The following LPP variants were observed in gnomAD, a reference collection of about 807,000 sequenced individuals.
LPP encodes the protein LIM domain containing preferred translocation partner in lipoma, also known as lipoma-preferred partner.
A neutral mutation model predicts 60.4 loss-of-function variants in LPP; 38 were observed. The observed-to-expected ratio is 0.63, with a 90% CI of 0.49 to 0.83. LPP has a LOEUF of 0.83. LPP is among the 40% of genes least tolerant of loss of function. LPP has a pLI of 0.00. For synonymous variants in LPP, 328 were observed against 290.8 expected, an observed-to-expected ratio of 1.13 and a Z score of -1.30; for missense variants, 902 against 783.6, an observed-to-expected ratio of 1.15 and a Z score of -1.80.
intron 8 of LPP, among the ~76,000 whole-genome samples, chr3:188,730,440 G>C (rs905497902): frequency 6.6e-6 from 1 of 152,194 alleles, no homozygotes; most frequent in Non-Finnish European, 1.5e-5. Context: ...GTTATGAATT[G>C]AGTGAATTAT....
chr3:188,166,754 A>G (rs937308686), intron 1 of LPP, among the ~76,000 whole-genome samples: 1 of 152,192 alleles, frequency 6.6e-6, no homozygotes, highest in Non-Finnish European at 1.5e-5. Context: ...ATTCATATCC[A>G]CAGCATCTGC....
At chr3:188,656,179 C>T (rs911412054) in intron 7 of LPP, among the ~76,000 whole-genome samples, 7 of 133,348 alleles carry the variant, frequency 5.2e-5, no homozygotes, top group East Asian at 4.4e-4. Context: ...GCAACAATAG[C>T]GAAACTCAGT....
At chr3:188,537,980 G>A (rs1010897878) in intron 6 of LPP, among the ~76,000 whole-genome samples, 20 of 152,108 alleles carry the variant, frequency 1.3e-4, no homozygotes, top group South Asian at 1.2e-3. Context: ...GTGTTGTGAC[G>A]TTCAAACAGG....
At chr3:188,692,352 A>G (rs1211604541) in intron 7 of LPP, among the ~76,000 whole-genome samples, 2 of 152,264 alleles carry the variant, frequency 1.3e-5, no homozygotes, top group African/African-American at 4.8e-5. Flanking sequence ...AAAGAGGGAC[A>G]TAAAGGTTGG....
intron 2 of LPP, among the ~76,000 whole-genome samples, chr3:188,267,548 G>T (rs188643735): frequency 1.1e-4 from 17 of 152,292 alleles, no homozygotes; most frequent in African/African-American, 3.8e-4. Context: ...TCTAGCCAGG[G>T]CCGAGTTATC....
At chr3:188,635,039 T>C (rs550198799) in intron 7 of LPP, among the ~76,000 whole-genome samples, 1 of 152,194 alleles carries the variant, frequency 6.6e-6, no homozygotes, top group South Asian at 2.1e-4. Flanking sequence ...AACCACTCCA[T>C]CTCCCTAATG....
intron 8 of LPP, among the ~76,000 whole-genome samples, chr3:188,750,897 C>G (rs1468182331): frequency 1.3e-5 from 2 of 152,148 alleles, no homozygotes; most frequent in East Asian, 3.9e-4. Flanking sequence ...TTTGTTGGAT[C>G]TGATCTAACT....
chr3:188,733,323 T>G (rs1212256492), intron 8 of LPP, among the ~76,000 whole-genome samples: 1 of 144,166 alleles, frequency 6.9e-6, no homozygotes, highest in African/African-American at 2.5e-5. Context: ...GTGTGTACAT[T>G]TATATACCAT....
At chr3:188,797,828 G>T (rs1039506824) in intron 9 of LPP, among the ~76,000 whole-genome samples, 4 of 152,154 alleles carry the variant, frequency 2.6e-5, no homozygotes, top group Non-Finnish European at 5.9e-5. Context: ...TGAGAGAAGG[G>T]CCTATAACTT....
intron 1 of LPP, among the ~76,000 whole-genome samples, chr3:188,158,184 C>T (rs76964045): frequency 4.6e-5 from 7 of 151,820 alleles, no homozygotes; most frequent in Admixed American, 6.6e-5. Flanking sequence ...CCCTGGGCCG[C>T]GATTAGAGGA....
At chr3:188,441,609 C>CTTTTCTTTTCTTT (rs1793896698) in intron 4 of LPP, among the ~76,000 whole-genome samples, 1 of 55,652 alleles carries the variant, frequency 1.8e-5, no homozygotes, top group Non-Finnish European at 3.4e-5. Flanking sequence ...CTTTTCTTTT[C>CTTTTCTTTTCTTT]TTTTTTTTTT....
chr3:188,368,721 G>C (rs3916421), intron 3 of LPP, among the ~76,000 whole-genome samples: 28,711 of 73,104 alleles, frequency 0.39, 3,035 homozygotes, highest in Non-Finnish European at 0.53. Flanking sequence ...CACACACACA[G>C]AGAGAGAGAG....
At chr3:188,408,250 T>C (rs1371982528) in intron 4 of LPP, among the ~76,000 whole-genome samples, 1 of 152,134 alleles carries the variant, frequency 6.6e-6, no homozygotes, top group Non-Finnish European at 1.5e-5. Flanking sequence ...GAAGTCTTTG[T>C]AGGTATGAGA....
intron 2 of LPP, among the ~76,000 whole-genome samples, chr3:188,324,447 C>T (rs888312132): frequency 1.3e-5 from 2 of 152,168 alleles, no homozygotes; most frequent in African/African-American, 4.8e-5. Flanking sequence ...CGAAATGCGT[C>T]ATCTCAAGAT....
chr3:188,281,841 G>C (rs1249577468), intron 2 of LPP, among the ~76,000 whole-genome samples: 3 of 151,990 alleles, frequency 2.0e-5, no homozygotes, highest in Non-Finnish European at 2.9e-5. Flanking sequence ...ACAGTTATTT[G>C]TATAAAATTT....
At chr3:188,414,913 G>A (rs1462351346) in intron 4 of LPP, among the ~76,000 whole-genome samples, 1 of 152,104 alleles carries the variant, frequency 6.6e-6, no homozygotes, top group Non-Finnish European at 1.5e-5. Flanking sequence ...AAGTTACAGT[G>A]ATTGAACTAA....
At chr3:188,186,162 C>T (rs1224145280) in intron 1 of LPP, among the ~76,000 whole-genome samples, 1 of 152,116 alleles carries the variant, frequency 6.6e-6, no homozygotes, top group African/African-American at 2.4e-5. Flanking sequence ...GTTGTCTGCC[C>T]AGAGCTGCTA....
At position 188,191,715 on chromosome 3, in the gene LPP, C is replaced by A. The variant is rs374164488; in HGVS notation, c.-189-33690C>A. ...CATAGGAGACATTGAATCAACTCAG[C>A]CGTTGCTACGAGCTCACTGTAGCTG... On this transcript the variant is annotated intron_variant, in intron 1 of 11. Transcript: ENST00000617246. Among the ~76,000 whole-genome samples the A allele has an allele frequency of 7.3e-4, 111 of 152,296 alleles. 2 individuals carry two copies. In the South Asian group the frequency reaches 0.023, roughly 32 times the overall value.
intron 2 of LPP, among the ~76,000 whole-genome samples, chr3:188,291,394 C>A (rs1351464456): frequency 6.6e-6 from 1 of 152,016 alleles, no homozygotes; most frequent in African/African-American, 2.4e-5. Context: ...AATCCCAGCA[C>A]TTTGGCAGGC....
Sources: gnomAD v4.1 joint callset for allele counts (sites outside exome capture counted in the v4.1 genomes callset) on GRCh38, gnomAD v4.1.1 for gene constraint, MANE v1.5 for transcripts, NCBI Gene and HGNC (gene_info 2026-07-23, HGNC 2026-07-21) for gene names.